The following TRIM8 variants were observed in gnomAD, a reference collection of about 807,000 sequenced individuals.
TRIM8 encodes tripartite motif containing 8.
In TRIM8, 9 loss-of-function variants were observed where a neutral mutation model predicts 55.7. That is an observed-to-expected ratio of 0.16 (90% confidence interval 0.10 to 0.28). The LOEUF is 0.28. TRIM8 is among the 10% of genes least tolerant of loss of function. The pLI, the probability that TRIM8 is intolerant of heterozygous loss-of-function variation, is 1.00. For missense variants in TRIM8, 556 were observed against 736.4 expected, an observed-to-expected ratio of 0.76 and a Z score of 2.83; for synonymous variants, 335 against 333.3, an observed-to-expected ratio of 1.01 and a Z score of -0.06.
In TRIM8 at chr10:102,644,708, A is replaced by C; in HGVS notation, c.91A>C (p.Lys31Gln). 1 of 1,613,628 alleles carries C rather than the reference A, an allele frequency of 6.2e-7. No individual in the cohort carries two copies. Among genetic ancestry groups the C allele is most frequent in the Non-Finnish European group, 8.5e-7 (1 of 1,179,954 alleles). The change falls in exon 1 of 6, where the codon AAA becomes CAA. Residue 31 changes from lysine to glutamine, a missense_variant. This residue lies in a region of TRIM8 where 165 missense variants were observed against 295.3 expected (regional missense o/e 0.56). Transcript: ENST00000643721. ...CGTGGAGCCAGTGCAGCTGCCGTGC[A>C]AACACAACTTCTGCCGGGGCTGCAT... The part of the protein sequence containing the change: ...VFVEPVQLPC[K>Q]HNFCRGCIGE...
intron 1 of TRIM8, among the ~76,000 whole-genome samples, chr10:102,647,794 G>A (rs891602284): frequency 6.6e-6 from 1 of 152,176 alleles, no homozygotes; most frequent in Non-Finnish European, 1.5e-5. Context: ...CCCTCCCAGG[G>A]GGATTGCTGA....
chr10:102,645,934 CTCCCACA>C (rs1158636008), intron 1 of TRIM8: 1 of 152,422 alleles, frequency 6.6e-6, no homozygotes, highest in East Asian at 1.9e-4. Flanking sequence ...TCTCGCCGCC[CTCCCACA>C]TTTGGGGAGG....
chr10:102,647,497 T>C (rs1483595618), intron 1 of TRIM8, among the ~76,000 whole-genome samples: 1 of 152,082 alleles, frequency 6.6e-6, no homozygotes, highest in Non-Finnish European at 1.5e-5. Context: ...ACTTATTGAA[T>C]GTGGAGGAAT....
At position 102,658,104 on chromosome 10, in the gene TRIM8, T is replaced by TA. The variant is rs1399177745; in HGVS notation, c.*756dup. 2.0e-5 allele frequency: 3 copies of TA among 151,916 alleles called. No individual in the cohort carries two copies. The highest frequency in any genetic ancestry group is 4.4e-5 in the Non-Finnish European group (3 of 67,988). 9.4% of individuals were successfully genotyped at this position (151,916 alleles called of 1,614,324 possible). On this transcript the variant is annotated 3_prime_UTR_variant, in exon 6 of 6. Transcript: ENST00000643721. ...AATAAAGAGAAATAAAATAATAAAA[T>TA]AAAAAACAATAGCACAGCCCTTGTT...
rs1402691218 is a variant in TRIM8, at chr10:102,649,722, G to A, written c.570+4535G>A. Among the ~76,000 whole-genome samples the A allele has an allele frequency of 6.6e-5, 10 of 152,188 alleles. No individual in the cohort carries two copies. The East Asian group carries it at 1.9e-3, about 29-fold the overall frequency. ...GTGCTGCCTCTCTCCTTGCCCTGGC[G>A]CCTGCCCTGGAGCCCCTTCCCTCTG... On this transcript the variant is annotated intron_variant, in intron 1 of 5. Transcript: ENST00000643721.
In TRIM8 at chr10:102,656,303, C is replaced by T. The variant is rs112124466; in HGVS notation, c.966C>T (p.Pro322=). ...TQTCTSSSLS[P]TKIGHLNSKL... is the part of the protein sequence containing the mutation. The stretch of plus-strand genomic sequence containing the variant: ...CCTGCACGAGCAGCAGCCTTTCCCC[C>T]ACTAAGATCGGCCACCTGAACTCCA... Residue 322 remains proline (P), a synonymous_variant, in exon 5 of 6, where the codon CCC becomes CCT. Coordinates refer to ENST00000643721, the MANE Select transcript of TRIM8 (RefSeq NM_030912.3). This position sits in a 1 kb window ranked among gnomAD's most constrained non-coding sequence, Gnocchi z 4.6. The T allele has an allele frequency of 7.4e-6, 12 of 1,614,212 alleles. No individual in the cohort carries two copies. The highest frequency in any genetic ancestry group is 6.7e-5 in the African/African-American group (5 of 75,058).
chr10:102,652,419 G>A (rs923556181), intron 1 of TRIM8, among the ~76,000 whole-genome samples: 1 of 152,202 alleles, frequency 6.6e-6, no homozygotes, highest in African/African-American at 2.4e-5. Flanking sequence ...CACAGAGGAA[G>A]AAAGAGAACC....
At position 102,657,145 on chromosome 10, in the gene TRIM8, G is replaced by A. The variant is rs767136521; in HGVS notation, c.1447G>A (p.Gly483Ser). ...CYCSSVANHG[G>S]HQPYPRSGHF... ...CTGTTCTTCCGTGGCCAACCATGGC[G>A]GCCACCAGCCCTACCCCCGCTCCGG... The change falls in exon 6 of 6, where the codon GGC becomes AGC. Residue 483 changes from glycine (G) to serine (S), a missense_variant. By Grantham distance (56) the Gly-to-Ser change is moderately conservative. This residue lies in a region of TRIM8 where 391 missense variants were observed against 441.0 expected (regional missense o/e 0.89). Transcript: ENST00000643721. The A allele has an allele frequency of 3.1e-6, 5 of 1,613,834 alleles. No homozygotes were observed. Among genetic ancestry groups the A allele is most frequent in the Non-Finnish European group, 4.2e-6 (5 of 1,179,998 alleles).
intron 2 of TRIM8, 86 bp downstream of exon 2, chr10:102,654,834 T>C: frequency 9.1e-7 from 1 of 1,095,320 alleles, no homozygotes; most frequent in Non-Finnish European, 1.4e-6. Context: ...ATTGATTGTG[T>C]AGCCCTATGC....
intron 1 of TRIM8, among the ~76,000 whole-genome samples, chr10:102,651,846 A>G (rs996355493): frequency 5.9e-5 from 9 of 152,214 alleles, no homozygotes; most frequent in Non-Finnish European, 1.2e-4. Flanking sequence ...TGGGGCCTCC[A>G]GGAGGTCCAG....
At chr10:102,655,357 T>C in intron 3 of TRIM8, 44 bp downstream of exon 3, 1 of 1,568,072 alleles carries the variant, frequency 6.4e-7, no homozygotes, top group Non-Finnish European at 8.7e-7. Context: ...CAGAGGGCCA[T>C]TTCCAAATTG....
chr10:102,646,271 C>T (rs1350713208), intron 1 of TRIM8, among the ~76,000 whole-genome samples: 2 of 152,142 alleles, frequency 1.3e-5, no homozygotes, highest in Non-Finnish European at 2.9e-5. Context: ...CCGAGGAGTC[C>T]TCTCTGAAGC....
At position 102,644,656 on chromosome 10, in the gene TRIM8, C is replaced by T; in HGVS notation, c.39C>T (p.Leu13=). The change falls in exon 1 of 6, where the codon CTC becomes CTT. Residue 13 remains leucine (L), a synonymous_variant. Transcript: ENST00000643721. ...ENWKNCFEEE[L]ICPICLHVFV... is the part of the protein sequence containing the mutation. ...GGAAGAACTGCTTCGAGGAGGAGCT[C>T]ATCTGCCCTATCTGCCTGCACGTTT... 3 of 1,613,358 alleles carry T rather than the reference C, an allele frequency of 1.9e-6. No homozygotes were observed. The highest frequency in any genetic ancestry group is 2.7e-5 in the African/African-American group (2 of 75,046).
rs1564722358 is a variant in TRIM8, at chr10:102,656,612, G to C, written c.1049-135G>C. On this transcript the variant is annotated intron_variant, in intron 5 of 5. Transcript: ENST00000643721. The surrounding 1 kb of genome is among the most constrained non-coding windows in gnomAD (Gnocchi z 4.6). ...AACTATTCTGTACCTCCTAATGGTA[G>C]AGGAGCAAGCATCACCTGAGATGTA... 4 of 1,399,648 alleles carry C rather than the reference G, an allele frequency of 2.9e-6. No individual in the cohort carries two copies. Among genetic ancestry groups the C allele is most frequent in the Non-Finnish European group, 1.9e-6 (2 of 1,037,444 alleles). The allele number at this position is 1,399,648 out of a possible 1,614,324, so 86.7% of individuals were successfully genotyped here. A position where few individuals can be genotyped will look rare whatever the true frequency, so the allele number is the denominator to read the frequency against.
chr10:102,657,601 G>T lies in TRIM8; in HGVS notation c.*247G>T. On this transcript the variant is annotated 3_prime_UTR_variant, in exon 6 of 6. Coordinates refer to ENST00000643721, the MANE Select transcript of TRIM8 (RefSeq NM_030912.3). ...TGGGCCAGGACGGCAGGTGGCCCTG[G>T]AGATGGGAAAGTGTCTGTGTCGAGG... 2.2e-6 allele frequency: 1 copy of T among 463,556 alleles called. No individual in the cohort carries two copies. Among genetic ancestry groups the T allele is most frequent in the Non-Finnish European group, 3.8e-6 (1 of 265,236 alleles). The allele number at this position is 463,556 out of a possible 1,614,324, so 28.7% of individuals were successfully genotyped here. A position where few individuals can be genotyped will look rare whatever the true frequency, so the allele number is the denominator to read the frequency against.
rs2064041809 is a variant in TRIM8 at position 102,657,841 on chromosome 10, T to C, written c.*487T>C. ...CGAGTAAGGAATGACCTTTAGATTG[T>C]GCGACTTTTGTTTTTGTTTTTTTAA... On this transcript the variant is annotated 3_prime_UTR_variant, in exon 6 of 6. Transcript: ENST00000643721. 1 of 153,054 alleles carries C rather than the reference T, an allele frequency of 6.5e-6. No homozygotes were observed. The highest frequency in any genetic ancestry group is 2.4e-5 in the African/African-American group (1 of 41,476). 9.5% of individuals were successfully genotyped at this position (153,054 alleles called of 1,614,324 possible). A position where few individuals can be genotyped will look rare whatever the true frequency, so the allele number is the denominator to read the frequency against.
At chr10:102,654,629 A>G in intron 1 of TRIM8, 24 bp from the exon 2 acceptor site, 1 of 1,586,198 alleles carries the variant, frequency 6.3e-7, no homozygotes, top group Non-Finnish European at 8.7e-7. Context: ...TCCCTCTGAT[A>G]CTCCCACCCA....
Position 102,657,233 on chromosome 10 carries a change from T to G in TRIM8, c.1535T>G (p.Val512Gly), listed in dbSNP as rs372094034. The stretch of plus-strand genomic sequence containing the variant: ...CACCCGCTCCCGCCCACACCCTCCG[T>G]CCCCCAGTCCCTTCCCAGCCTGGCG... ...YSHPLPPTPS[V>G]PQSLPSLAVR... Residue 512 changes from valine (V) to glycine (G), a missense_variant, in exon 6 of 6, where the codon GTC (valine) becomes GGC (glycine). Val to Gly is a moderately radical substitution (Grantham distance 109, BLOSUM62 -3). Transcript: ENST00000643721. The G allele has an allele frequency of 6.2e-7, 1 of 1,613,732 alleles. No individual in the cohort carries two copies. Among genetic ancestry groups the G allele is most frequent in the East Asian group, 2.2e-5 (1 of 44,860 alleles).
chr10:102,651,364 A>T (rs1450392866), intron 1 of TRIM8, among the ~76,000 whole-genome samples: 1 of 152,150 alleles, frequency 6.6e-6, no homozygotes, highest in Admixed American at 6.5e-5. Flanking sequence ...CTGGACAGGA[A>T]GGCCCTCCCT....
Sources: gnomAD v4.1 joint callset for allele counts (sites outside exome capture counted in the v4.1 genomes callset) on GRCh38, gnomAD v4.1.1 for gene constraint, gnomAD v4.1.1 regional missense constraint, Gnocchi (gnomAD v3.1) non-coding constraint, MANE v1.5 for transcripts, NCBI Gene and HGNC (gene_info 2026-07-23, HGNC 2026-07-21) for gene names.